The following LRTM3 variants were observed in gnomAD, a reference collection of about 807,000 sequenced individuals.
LRTM3 encodes leucine rich repeat transmembrane protein 3, also known as leucine-rich repeat transmembrane protein 3.
At chr13:102,747,141 C>G in the LRTM3 span, 1 of 1,550,798 alleles carries the variant, frequency 6.4e-7, no homozygotes, top group Non-Finnish European at 8.7e-7. Flanking sequence ...TCATTTCCCT[C>G]ATTAATGAAA....
chr13:102,731,551 T>A, the LRTM3 span: 3 of 1,551,402 alleles, frequency 1.9e-6, no homozygotes, highest in South Asian at 3.6e-5. Context: ...CTGGAAAAGG[T>A]GGTGACTTCA....
At chr13:102,742,673 T>A in the LRTM3 span, 1 of 1,550,770 alleles carries the variant, frequency 6.4e-7, no homozygotes, top group Non-Finnish European at 8.7e-7. Context: ...ATCAGGTGAT[T>A]GTGAAACTGC....
chr13:102,734,901 CAT>C, the LRTM3 span: 51 of 1,551,046 alleles, frequency 3.3e-5, 1 homozygote, highest in South Asian at 7.1e-5. Context: ...TTCTGTGACA[CAT>C]GTTTTCCTTT....
the LRTM3 span, chr13:102,758,468 A>T: frequency 6.5e-7 from 1 of 1,539,682 alleles, no homozygotes; most frequent in Non-Finnish European, 8.8e-7. Flanking sequence ...TAGGAATAAA[A>T]AAGTCACAGT....
chr13:102,747,759 A>G, the LRTM3 span: 1 of 1,551,124 alleles, frequency 6.4e-7, no homozygotes, highest in Non-Finnish European at 8.7e-7. Context: ...TCAACTTGAA[A>G]TGGATCCATC....
chr13:102,737,761 C>A, the LRTM3 span: 6 of 1,550,824 alleles, frequency 3.9e-6, no homozygotes, highest in Admixed American at 1.2e-4. Context: ...TTGCTTTTTT[C>A]CCTGTCTCTG....
the LRTM3 span, chr13:102,732,187 A>C: frequency 1.3e-6 from 2 of 1,551,348 alleles, no homozygotes; most frequent in Non-Finnish European, 1.7e-6. Flanking sequence ...ATTTAGGAAG[A>C]CAGATTCTCT....
At chr13:102,744,705 C>T in the LRTM3 span, 1 of 1,550,754 alleles carries the variant, frequency 6.4e-7, no homozygotes, top group Non-Finnish European at 8.7e-7. Context: ...TAGCATGGAA[C>T]TGATTCTGTT....
the LRTM3 span, chr13:102,735,443 A>G: frequency 6.4e-7 from 1 of 1,551,144 alleles, no homozygotes; most frequent in African/African-American, 1.4e-5. Context: ...TGTTGTATCA[A>G]ACTTAAGATA....
the LRTM3 span, chr13:102,743,165 T>C: frequency 1.9e-6 from 3 of 1,550,672 alleles, no homozygotes; most frequent in Non-Finnish European, 2.6e-6. Flanking sequence ...TTCCCCACTT[T>C]CTCTATCATG....
chr13:102,755,704 C>G, the LRTM3 span, among the ~76,000 whole-genome samples: 3 of 151,274 alleles, frequency 2.0e-5, no homozygotes, highest in African/African-American at 7.3e-5. Flanking sequence ...GTGCAGTAAA[C>G]CACCATGGCA....
the LRTM3 span, among the ~76,000 whole-genome samples, chr13:102,752,818 G>C: frequency 6.6e-6 from 1 of 152,066 alleles, no homozygotes; most frequent in Non-Finnish European, 1.5e-5. Flanking sequence ...CATATGGGTA[G>C]GCCTTAATCC....
the LRTM3 span, chr13:102,746,855 G>A: frequency 1.7e-5 from 27 of 1,551,146 alleles, no homozygotes; most frequent in African/African-American, 2.7e-5. Context: ...TGGAGAAGGC[G>A]TCTCTGAATC....
At chr13:102,747,048 T>C in the LRTM3 span, 5 of 1,551,154 alleles carry the variant, frequency 3.2e-6, no homozygotes, top group East Asian at 9.8e-5. Flanking sequence ...AGGTTGCAGC[T>C]ATCATGCAGG....
the LRTM3 span, chr13:102,737,027 A>G: frequency 5.7e-5 from 88 of 1,550,974 alleles, no homozygotes; most frequent in Non-Finnish European, 7.7e-5. Context: ...TCTTTCCTGT[A>G]CATGTCTCAA....
At chr13:102,745,524 C>T in the LRTM3 span, 23 of 1,550,892 alleles carry the variant, frequency 1.5e-5, no homozygotes, top group Admixed American at 2.0e-5. Context: ...CCAGCACCAG[C>T]CCTGATATTG....
the LRTM3 span, chr13:102,741,350 A>G: frequency 1.9e-6 from 3 of 1,549,538 alleles, no homozygotes; most frequent in South Asian, 3.6e-5. Flanking sequence ...TTCAGAATCC[A>G]GAATACTTTC....
the LRTM3 span, chr13:102,735,304 C>T: frequency 6.4e-7 from 1 of 1,551,212 alleles, no homozygotes; most frequent in African/African-American, 1.4e-5. Flanking sequence ...CTTTTAATTG[C>T]TTTACATCAC....
chr13:102,742,428 G>T, the LRTM3 span: 5 of 1,547,320 alleles, frequency 3.2e-6, no homozygotes, highest in South Asian at 2.4e-5. Context: ...TGTTTCTTTG[G>T]CAGGGCAAAT....
Sources: gnomAD v4.1 joint callset for allele counts (sites outside exome capture counted in the v4.1 genomes callset) on GRCh38, gnomAD v4.1.1 for gene constraint, MANE v1.5 for transcripts, NCBI Gene and HGNC (gene_info 2026-07-23, HGNC 2026-07-21) for gene names.